Variants in PTPN5 observed in about 807,000 individuals in gnomAD.
PTPN5 encodes the protein tyrosine-protein phosphatase non-receptor type 5.
In PTPN5, 29 loss-of-function variants were observed where a neutral mutation model predicts 73.9. The ratio of observed to expected loss-of-function variants is 0.39; its 90% CI spans 0.29 to 0.54. The LOEUF (loss-of-function observed/expected upper bound fraction) is 0.54. Among genes scored for constraint, PTPN5 ranks in the 20% least tolerant of loss-of-function variants. The pLI, the probability that PTPN5 is intolerant of heterozygous loss-of-function variation, is 0.65. For missense variants in PTPN5, 652 were observed against 751.4 expected (o/e 0.87, Z 1.55); for synonymous variants, 267 against 304.7 (o/e 0.88, Z 1.29).
rs1313161290 is a variant in PTPN5 at position 18,781,478 on chromosome 11, C to G, written c.-113-9407G>C. ...GGGACTACAGGAGCCTGCCACCACA[C>G]CTGGCTAGTTTCTGTATTTTTAGTA... On this transcript the variant is annotated intron_variant, in intron 1 of 14. Coordinates refer to ENST00000358540, the MANE Select transcript of PTPN5 (RefSeq NM_006906.2). Among the ~76,000 whole-genome samples, 4 of 152,040 alleles carry G rather than the reference C, an allele frequency of 2.6e-5. No homozygotes were observed. In the East Asian group the frequency reaches 7.7e-4, roughly 29 times the overall value.
intron 3 of PTPN5, among the ~76,000 whole-genome samples, chr11:18,753,566 C>T (rs1232643865): frequency 1.5e-5 from 2 of 133,230 alleles, no homozygotes; most frequent in Admixed American, 1.7e-4. Flanking sequence ...ACTCTACCCA[C>T]ACCTTCTCCT....
chr11:18,733,814 TGAG>T lies in PTPN5; in HGVS notation c.1001-182_1001-180del, dbSNP rs898078060. 6.6e-6 allele frequency among the ~76,000 whole-genome samples: 1 copy of T among 152,186 alleles called. No individual in the cohort carries two copies. ...TCATTTTGTAGGTGAGGACTCAGGA[TGAG>T]GAGGAGGGTGGAGAGAGAGGGGGGT... On this transcript the variant is annotated intron_variant, in intron 9 of 14. Transcript: ENST00000358540. This position sits in a 1 kb window ranked among gnomAD's most constrained non-coding sequence, Gnocchi z 4.3.
Position 18,732,640 on chromosome 11 carries a change from C to T in PTPN5, c.1281G>A (p.Gln427=), listed in dbSNP as rs1426232956. The T allele has an allele frequency of 1.2e-6, 2 of 1,613,922 alleles. No individual in the cohort carries two copies. Among genetic ancestry groups the T allele is most frequent in the African/African-American group, 2.7e-5 (2 of 74,912 alleles). Residue 427 remains glutamine, a synonymous_variant, in exon 12 of 15, where the codon CAG becomes CAA. Transcript: ENST00000358540. The part of the protein sequence containing the change: ...VAYDGVEITV[Q]KVIHTEDYRL... ...GGTAATCCTCCGTGTGAATGACTTTCTGCACAGTGATCTCAACACCGTCGT... is the reference window on the plus strand; with the variant it reads ...GGTAATCCTCCGTGTGAATGACTTTTTGCACAGTGATCTCAACACCGTCGT...
intron 1 of PTPN5, among the ~76,000 whole-genome samples, chr11:18,789,375 T>C (rs1475412636): frequency 6.6e-6 from 1 of 152,096 alleles, no homozygotes; most frequent in African/African-American, 2.4e-5. Context: ...TTTTTTTGGA[T>C]GGAGAAATTG....
chr11:18,746,491 A>T lies in PTPN5; in HGVS notation c.98-2292T>A, dbSNP rs376670771. ...ACAGGTGTGAGCCACTGCGCCCGGC[A>T]GCTGTTATAAATATTTTAGATACTA... is the stretch of plus-strand genomic sequence containing the variant. On this transcript the variant is annotated intron_variant, in intron 3 of 14. Coordinates refer to ENST00000358540, the MANE Select transcript of PTPN5 (RefSeq NM_006906.2). Among the ~76,000 whole-genome samples the T allele has an allele frequency of 3.0e-3, 456 of 152,024 alleles. 2 individuals are homozygous for T. Among genetic ancestry groups the T allele is most frequent in the African/African-American group, 0.01 (426 of 41,486 alleles).
Position 18,742,170 on chromosome 11 carries a change from G to A in PTPN5, c.725+92C>T. 3 of 1,546,072 alleles carry A rather than the reference G, an allele frequency of 1.9e-6. No homozygotes were observed. Among genetic ancestry groups the A allele is most frequent in the Non-Finnish European group, 2.6e-6 (3 of 1,136,016 alleles). On this transcript the variant is annotated intron_variant, in intron 7 of 14. Transcript: ENST00000358540. The surrounding 1 kb of genome is among the most constrained non-coding windows in gnomAD (Gnocchi z 4.1). ...AGCTATAAGGCCAGCTCTGCCCTGGGCACCAGGAGTCAGAGTCAGGCATCC... is the reference window on the plus strand; with the variant it reads ...AGCTATAAGGCCAGCTCTGCCCTGGACACCAGGAGTCAGAGTCAGGCATCC...
chr11:18,743,340 C>G lies in PTPN5; in HGVS notation c.381G>C (p.Leu127=). ...TACTTACCGTGGGTTCCAGCTGTTT[C>G]AGGAGCGTCAGCAAAGAGGAGACGA... ...TNLVSSLLTL[L]KQLEPTAWLD... is the part of the protein sequence containing the mutation. Residue 127 remains leucine, a synonymous_variant, in exon 5 of 15, where the codon CTG becomes CTC. Transcript: ENST00000358540. The G allele has an allele frequency of 6.2e-7, 1 of 1,614,172 alleles. No homozygotes were observed. Among genetic ancestry groups the G allele is most frequent in the Non-Finnish European group, 8.5e-7 (1 of 1,180,028 alleles).
At chr11:18,790,425 C>T (rs759478026) in intron 1 of PTPN5, among the ~76,000 whole-genome samples, 17 of 152,106 alleles carry the variant, frequency 1.1e-4, no homozygotes, top group Non-Finnish European at 1.9e-4. Flanking sequence ...CCTGGTCCAA[C>T]TGAGGACACT....
intron 3 of PTPN5, among the ~76,000 whole-genome samples, chr11:18,746,255 A>G (rs4393294): frequency 0.73 from 104,461 of 142,424 alleles, 39,040 homozygotes; most frequent in East Asian, 0.96. Flanking sequence ...GCAGTGGTGC[A>G]ATCTTGGCTC....
chr11:18,738,994 G>A (rs943189849), intron 8 of PTPN5, among the ~76,000 whole-genome samples: 4 of 141,020 alleles, frequency 2.8e-5, no homozygotes, highest in African/African-American at 1.1e-4. Context: ...AAAAAAAAAA[G>A]TTCACCTATG....
chr11:18,780,367 C>T (rs538434031), intron 1 of PTPN5, among the ~76,000 whole-genome samples: 4 of 152,224 alleles, frequency 2.6e-5, no homozygotes. Flanking sequence ...CCTGCCCCAG[C>T]CATGCTCCCT....
At chr11:18,768,546 T>A (rs367794809) in intron 2 of PTPN5, among the ~76,000 whole-genome samples, 8 of 152,216 alleles carry the variant, frequency 5.3e-5, no homozygotes, top group East Asian at 3.9e-4. Context: ...GACTCACACC[T>A]GCTTTCACAC....
At chr11:18,750,906 T>C (rs1396260150) in intron 3 of PTPN5, among the ~76,000 whole-genome samples, 1 of 152,196 alleles carries the variant, frequency 6.6e-6, no homozygotes, top group Non-Finnish European at 1.5e-5. Flanking sequence ...ATTTTTCTCT[T>C]ACTCCACAGA....
At chr11:18,761,595 G>A (rs563130845) in intron 3 of PTPN5, among the ~76,000 whole-genome samples, 1 of 152,242 alleles carries the variant, frequency 6.6e-6, no homozygotes, top group African/African-American at 2.4e-5. Context: ...CAGGGGTGGG[G>A]AAGGCAGTGG....
rs373672394 is a variant in PTPN5 at position 18,736,452 on chromosome 11, C to T, written c.1000+1428G>A. On this transcript the variant is annotated intron_variant, in intron 9 of 14. Coordinates refer to ENST00000358540, the MANE Select transcript of PTPN5 (RefSeq NM_006906.2). Reference sequence around the variant, plus strand: ...TAACTGTGCATGGACCTCTCTCCCCCGCTAGGCTGGAAGCTCCTTGTGCAC... The same window carrying T: ...TAACTGTGCATGGACCTCTCTCCCCTGCTAGGCTGGAAGCTCCTTGTGCAC... 2.6e-5 allele frequency among the ~76,000 whole-genome samples: 4 copies of T among 152,236 alleles called. 1 individual carries two copies. Among genetic ancestry groups the T allele is most frequent in the Admixed American group, 1.3e-4 (2 of 15,286 alleles).
chr11:18,729,344 T>A lies in PTPN5; in HGVS notation c.1604+109A>T, dbSNP rs1848766305. ...TTGTCTGCCCATCAGTCCGTGCCAG[T>A]GTTTTCCATCTGCCCCTCACCCCCC... On this transcript the variant is annotated intron_variant, in intron 14 of 14. Transcript: ENST00000358540. This position sits in a 1 kb window ranked among gnomAD's most constrained non-coding sequence, Gnocchi z 5.2. 1.5e-6 allele frequency: 1 copy of A among 666,384 alleles called. No individual in the cohort carries two copies. The highest frequency in any genetic ancestry group is 2.7e-6 in the Non-Finnish European group (1 of 366,652). The allele number at this position is 666,384 out of a possible 1,614,324, so 41.3% of individuals were successfully genotyped here. A position where few individuals can be genotyped will look rare whatever the true frequency, so the allele number is the denominator to read the frequency against.
chr11:18,789,633 C>A (rs1851821471), intron 1 of PTPN5, among the ~76,000 whole-genome samples: 1 of 152,194 alleles, frequency 6.6e-6, no homozygotes, highest in Admixed American at 6.5e-5. Context: ...TGCTCACCCC[C>A]CTCAAAAAGG....
intron 8 of PTPN5, 162 bp downstream of exon 8, chr11:18,740,441 C>T: frequency 1.8e-6 from 1 of 546,762 alleles, no homozygotes; most frequent in Non-Finnish European, 3.0e-6. Flanking sequence ...AACTGAAGCT[C>T]AGAGGGAAAG....
At position 18,744,126 on chromosome 11, in the gene PTPN5, C is replaced by T. The variant is rs149079193; in HGVS notation, c.171G>A (p.Pro57=). The T allele has an allele frequency of 8.7e-6, 14 of 1,609,772 alleles. No individual in the cohort carries two copies. Among genetic ancestry groups the T allele is most frequent in the East Asian group, 2.2e-5 (1 of 44,622 alleles). The part of the protein sequence containing the change: ...EGLQDSQREM[P]PPPPPSPPSD... Reference sequence around the variant, plus strand: ...AGGGCGGCGAGGGAGGAGGGGGTGGCGGCATCTCTCTCTGTGAGTCCTGGA... The same window carrying T: ...AGGGCGGCGAGGGAGGAGGGGGTGGTGGCATCTCTCTCTGTGAGTCCTGGA... Residue 57 remains proline, a synonymous_variant, in exon 4 of 15, where the codon CCG becomes CCA. Coordinates refer to ENST00000358540, the MANE Select transcript of PTPN5 (RefSeq NM_006906.2).
Sources: allele counts gnomAD v4.1 joint callset (sites outside exome capture counted in the v4.1 genomes callset), GRCh38; gene constraint gnomAD v4.1.1; non-coding constraint Gnocchi (gnomAD v3.1); transcripts MANE v1.5; gene names NCBI Gene and HGNC (gene_info 2026-07-23, HGNC 2026-07-21).